Variants in ANKRD18A observed in about 807,000 individuals in gnomAD.
The protein encoded by ANKRD18A is ankyrin repeat domain 18A.
ANKRD18A carries 72 observed loss-of-function variants against 110.6 expected under a neutral mutation model. The observed-to-expected ratio is 0.65, with a 90% CI of 0.54 to 0.79. ANKRD18A has a LOEUF of 0.79. ANKRD18A is among the 30% of genes least tolerant of loss of function. ANKRD18A has a pLI of 0.00. For synonymous variants in ANKRD18A, 305 were observed against 410.3 expected (o/e 0.74, Z 3.10); for missense variants, 934 against 1,163.3 (o/e 0.80, Z 2.87).
In ANKRD18A at chr9:38,615,927, T is replaced by C. The variant is rs1288953607; in HGVS notation, c.321+3A>G. The C allele has an allele frequency of 7.7e-6, 12 of 1,557,898 alleles. No individual in the cohort carries two copies. The highest frequency in any genetic ancestry group is 9.6e-6 in the Non-Finnish European group (11 of 1,151,212). On this transcript the variant is annotated splice_donor_region_variant and intron_variant, in intron 2 of 15. Coordinates refer to ENST00000399703, the MANE Select transcript of ANKRD18A (RefSeq NM_147195.4). ...CATGCTGAAAGAGTTGGCTACTATA[T>C]ACCTTCATTAAAGGTGTCCTGTTTA...
At chr9:38,592,917 C>A (rs571923721) in intron 10 of ANKRD18A, among the ~76,000 whole-genome samples, 61 of 152,276 alleles carry the variant, frequency 4.0e-4, no homozygotes, top group African/African-American at 1.4e-3. Flanking sequence ...TTGCCTACAA[C>A]TGGGGTAGGT....
At chr9:38,586,339 C>A in intron 11 of ANKRD18A, 27 bp from the exon 12 acceptor site, 2 of 1,496,342 alleles carry the variant, frequency 1.3e-6, no homozygotes, top group South Asian at 1.3e-5. Flanking sequence ...ACTAGTAAGT[C>A]AAGTATTTTT....
intron 3 of ANKRD18A, among the ~76,000 whole-genome samples, chr9:38,613,552 A>G (rs1264674875): frequency 6.9e-6 from 1 of 145,296 alleles, no homozygotes; most frequent in Non-Finnish European, 1.5e-5. Context: ...GAATTTTCCC[A>G]ACATTTATTC....
At chr9:38,599,919 G>A (rs2118808763) in intron 8 of ANKRD18A, among the ~76,000 whole-genome samples, 1 of 152,250 alleles carries the variant, frequency 6.6e-6, no homozygotes, top group South Asian at 2.1e-4. Context: ...CTGACAGGGT[G>A]CAGGTTTTAA....
intron 3 of ANKRD18A, among the ~76,000 whole-genome samples, chr9:38,613,192 T>C (rs1172028160): frequency 6.6e-6 from 1 of 151,428 alleles, no homozygotes; most frequent in African/African-American, 2.4e-5. Context: ...CTGGAGAATA[T>C]GTGCCTCCTA....
intron 12 of ANKRD18A, among the ~76,000 whole-genome samples, chr9:38,578,501 C>T (rs1204901549): frequency 1.3e-5 from 2 of 151,988 alleles, no homozygotes; most frequent in Non-Finnish European, 2.9e-5. Flanking sequence ...CAAAATTTGT[C>T]AAAAAAACTT....
downstream of ANKRD18A, chr9:38,569,088 C>G: frequency 6.1e-6 from 6 of 985,410 alleles, no homozygotes; most frequent in Non-Finnish European, 4.8e-6. Context: ...GGGCTGGTCA[C>G]TACCCACCAA....
At position 38,596,004 on chromosome 9, in the gene ANKRD18A, A is replaced by C; in HGVS notation, c.1336T>G (p.Leu446Val). 6.5e-7 allele frequency: 1 copy of C among 1,549,986 alleles called. No homozygotes were observed. The highest frequency in any genetic ancestry group is 8.7e-7 in the Non-Finnish European group (1 of 1,146,230). Reference protein sequence around the residue: ...IVERKDLELVLWRADDVSRHE... With the variant: ...IVERKDLELVVWRADDVSRHE... Reference sequence around the variant, plus strand: ...CTAGAAACATCATCTGCTCTCCATAAAACTAGTTCTAGGTCTTTTCTTTCC... The same window carrying C: ...CTAGAAACATCATCTGCTCTCCATACAACTAGTTCTAGGTCTTTTCTTTCC... Residue 446 changes from leucine (L) to valine (V), a missense_variant, in exon 9 of 16, where the codon TTA (leucine) becomes GTA (valine). This residue lies in a region of ANKRD18A where 630 missense variants were observed against 797.5 expected (regional missense o/e 0.79). Transcript: ENST00000399703.
chr9:38,586,768 T>TTTGATGGG (rs1222131632), intron 11 of ANKRD18A, among the ~76,000 whole-genome samples: 3 of 152,174 alleles, frequency 2.0e-5, no homozygotes, highest in Non-Finnish European at 2.9e-5. Context: ...TTCACCATGT[T>TTTGATGGG]GGTCAGGCTG....
At chr9:38,570,401 C>A (rs1430271335), downstream of ANKRD18A, among the ~76,000 whole-genome samples, 1 of 152,166 alleles carries the variant, frequency 6.6e-6, no homozygotes, top group Non-Finnish European at 1.5e-5. Context: ...CTGACCAGAC[C>A]CCTAATACAC....
intron 5 of ANKRD18A, among the ~76,000 whole-genome samples, chr9:38,609,012 A>G (rs1301949786): frequency 6.6e-6 from 1 of 152,204 alleles, no homozygotes; most frequent in Non-Finnish European, 1.5e-5. Flanking sequence ...TCAAAGGATA[A>G]CATACCATGA....
intron 11 of ANKRD18A, 104 bp from the exon 12 acceptor site, chr9:38,586,416 T>A: frequency 1.9e-6 from 2 of 1,029,960 alleles, no homozygotes; most frequent in Non-Finnish European, 1.4e-6. Flanking sequence ...AACAAATCTA[T>A]AAACTATGAT....
rs1563970981 is a variant in ANKRD18A, at chr9:38,603,176, CT to C, written c.844del (p.Arg282GlufsTer11). ...AAMKPANLKK[R>X]KERAKAEHNL... ...TGTCTTACCTTTTGCACGTTCTTTT[CT>C]TTTTTTCAAATTTGCAGGCTTCATA... On this transcript the variant is annotated frameshift_variant, in exon 7 of 16. Transcript: ENST00000399703. LOFTEE classifies it high-confidence loss of function. The C allele has an allele frequency of 6.4e-7, 1 of 1,550,880 alleles. No individual in the cohort carries two copies. The highest frequency in any genetic ancestry group is 8.7e-7 in the Non-Finnish European group (1 of 1,146,588).
intron 12 of ANKRD18A, among the ~76,000 whole-genome samples, chr9:38,583,278 A>G (rs1344944807): frequency 6.6e-6 from 1 of 152,272 alleles, no homozygotes; most frequent in African/African-American, 2.4e-5. Context: ...AAGGTTAAGC[A>G]TGAAGTTACT....
downstream of ANKRD18A, chr9:38,569,174 G>T (rs1339927146): frequency 2.8e-5 from 28 of 984,828 alleles, no homozygotes; most frequent in Non-Finnish European, 3.3e-5. Context: ...GCGAGACTGG[G>T]CCTGGTGACA....
At position 38,571,743 on chromosome 9, in the gene ANKRD18A, A is replaced by G. The variant is rs1823652362; in HGVS notation, c.*302T>C. The G allele has an allele frequency of 4.7e-6, 5 of 1,071,752 alleles. No homozygotes were observed. Among genetic ancestry groups the G allele is most frequent in the Non-Finnish European group, 5.6e-6 (5 of 885,680 alleles). The allele number at this position is 1,071,752 out of a possible 1,614,324, so 66.4% of individuals were successfully genotyped here. On this transcript the variant is annotated 3_prime_UTR_variant, in exon 16 of 16. Coordinates refer to ENST00000399703, the MANE Select transcript of ANKRD18A (RefSeq NM_147195.4). ...GACATTCAGGCAATTTGAGTAGGCC[A>G]AACTCAATAACGCTGGTGTTCATTT...
chr9:38,574,559 C>T (rs547087544), intron 15 of ANKRD18A, among the ~76,000 whole-genome samples: 90 of 152,124 alleles, frequency 5.9e-4, no homozygotes, highest in African/African-American at 2.0e-3. Context: ...TCAGGTGATC[C>T]GCCTGCCTCG....
chr9:38,566,723 C>T (rs1341573065), downstream of ANKRD18A: 2 of 152,182 alleles, frequency 1.3e-5, no homozygotes, highest in Non-Finnish European at 2.9e-5. Context: ...TTCTGGGAGG[C>T]CTCAGAAATC....
intron 10 of ANKRD18A, 95 bp downstream of exon 10, chr9:38,593,665 A>C (rs1278091128): frequency 4.2e-6 from 5 of 1,189,220 alleles, no homozygotes; most frequent in East Asian, 3.0e-5. Flanking sequence ...ATAAAATATA[A>C]AATCAAGCTG....
Sources: gnomAD v4.1 joint callset for allele counts (sites outside exome capture counted in the v4.1 genomes callset) on GRCh38, gnomAD v4.1.1 for gene constraint, gnomAD v4.1.1 regional missense constraint, MANE v1.5 for transcripts, NCBI Gene and HGNC (gene_info 2026-07-23, HGNC 2026-07-21) for gene names.